The following ZMIZ1 variants were observed in gnomAD, a reference collection of about 807,000 sequenced individuals.
ZMIZ1 encodes the protein zinc finger MIZ-type containing 1, also known as zinc finger MIZ domain-containing protein 1.
In ZMIZ1, 17 loss-of-function variants were observed where a neutral mutation model predicts 113.9. The ratio of observed to expected loss-of-function variants is 0.15; its 90% confidence interval spans 0.10 to 0.22. ZMIZ1 has a LOEUF of 0.22. Among genes scored for constraint, ZMIZ1 ranks in the 10% least tolerant of loss-of-function variants. The pLI is 1.00. For synonymous variants in ZMIZ1, 607 were observed against 603.1 expected, an observed-to-expected ratio of 1.01 and a Z score of -0.09; for missense variants, 1,059 against 1,477.8, an observed-to-expected ratio of 0.72 and a Z score of 4.65.
intron 4 of ZMIZ1, among the ~76,000 whole-genome samples, chr10:79,168,757 C>G (rs1846472952): frequency 2.0e-5 from 3 of 152,172 alleles, no homozygotes. Flanking sequence ...TGTCTCAGCT[C>G]TGGGCTGTGG....
chr10:79,240,270 T>A (rs1331604670), intron 7 of ZMIZ1, among the ~76,000 whole-genome samples: 1 of 152,250 alleles, frequency 6.6e-6, no homozygotes, highest in Non-Finnish European at 1.5e-5. Flanking sequence ...ACCAAGTGCC[T>A]GTGAGCTGAG....
At chr10:79,128,145 C>T (rs1461814604) in intron 2 of ZMIZ1, among the ~76,000 whole-genome samples, 3 of 152,190 alleles carry the variant, frequency 2.0e-5, no homozygotes, top group Non-Finnish European at 4.4e-5. Flanking sequence ...CTCAGGTCTC[C>T]CTCCCCCTTT....
intron 4 of ZMIZ1, 65 bp from the exon 5 acceptor site, chr10:79,201,519 G>T: frequency 1.6e-6 from 2 of 1,218,548 alleles, no homozygotes; most frequent in Non-Finnish European, 2.4e-6. Flanking sequence ...GAGGGCAGTT[G>T]GGAGGCTGCT....
At chr10:79,229,350 G>T (rs1849307727) in intron 7 of ZMIZ1, among the ~76,000 whole-genome samples, 1 of 152,236 alleles carries the variant, frequency 6.6e-6, no homozygotes, top group Non-Finnish European at 1.5e-5. Flanking sequence ...AGAACCCAGA[G>T]CTCGGGAAGT....
intron 1 of ZMIZ1, among the ~76,000 whole-genome samples, chr10:79,072,076 G>A (rs1842306230): frequency 6.6e-6 from 1 of 152,032 alleles, no homozygotes; most frequent in South Asian, 2.1e-4. Context: ...ATAAGAAATT[G>A]CTGGACTTAT....
Position 79,277,325 on chromosome 10 carries a change from G to A in ZMIZ1, c.425G>A (p.Ser142Asn), listed in dbSNP as rs113562619. The A allele has an allele frequency of 2.5e-4, 394 of 1,591,298 alleles. No individual in the cohort carries two copies. The highest frequency in any genetic ancestry group is 3.2e-4 in the Non-Finnish European group (377 of 1,169,348). Residue 142 changes from serine to asparagine, a missense_variant and splice_region_variant, in exon 8 of 25, where the codon AGT becomes AAT. By Grantham distance (46) the Ser-to-Asn change is conservative (BLOSUM62 1). Around this residue, in one of 6 missense-constraint regions of ZMIZ1, gnomAD observed 272 missense variants for 350.4 expected, o/e 0.78. Transcript: ENST00000334512. ...MSSMKPTLSH[S>N]DGSFPYDSVP... ...TCCATGAAACCCACTCTGTCGCACAGGTAAGTGGGTGGGTGCCATGGGTGC... is the reference window on the plus strand; with the variant it reads ...TCCATGAAACCCACTCTGTCGCACAAGTAAGTGGGTGGGTGCCATGGGTGC...
chr10:79,290,752 T>C, intron 9 of ZMIZ1: 1 of 708,940 alleles, frequency 1.4e-6, no homozygotes, highest in South Asian at 1.5e-5. Context: ...AAGGCTGACG[T>C]TCTCATCCCC....
chr10:79,076,723 G>T (rs1291268968), intron 1 of ZMIZ1, among the ~76,000 whole-genome samples: 1 of 152,162 alleles, frequency 6.6e-6, no homozygotes, highest in Non-Finnish European at 1.5e-5. Flanking sequence ...TGTAGTCCCA[G>T]CTACTCGAGA....
intron 2 of ZMIZ1, among the ~76,000 whole-genome samples, chr10:79,130,232 C>CAG (rs902217218): frequency 1.3e-5 from 2 of 152,194 alleles, no homozygotes; most frequent in African/African-American, 4.8e-5. Flanking sequence ...TGCATAAAGT[C>CAG]AGAATTTTGA....
At chr10:79,139,995 T>C in intron 3 of ZMIZ1, among the ~76,000 whole-genome samples, 1 of 152,198 alleles carries the variant, frequency 6.6e-6, no homozygotes, top group Non-Finnish European at 1.5e-5. Context: ...AGTTTGTCTG[T>C]CTCCAAAATG....
intron 7 of ZMIZ1, among the ~76,000 whole-genome samples, chr10:79,259,839 T>A (rs1376398270): frequency 6.6e-6 from 1 of 152,220 alleles, no homozygotes; most frequent in Non-Finnish European, 1.5e-5. Flanking sequence ...CTCAAAGTCC[T>A]GACCTCAAGT....
intron 7 of ZMIZ1, among the ~76,000 whole-genome samples, chr10:79,268,324 A>G (rs1056055099): frequency 6.6e-6 from 1 of 152,188 alleles, no homozygotes; most frequent in Non-Finnish European, 1.5e-5. Context: ...GTTTTATTTG[A>G]GGACAGCACC....
intron 7 of ZMIZ1, among the ~76,000 whole-genome samples, chr10:79,236,659 C>A (rs1849604563): frequency 2.6e-5 from 4 of 152,198 alleles, no homozygotes; most frequent in Admixed American, 2.6e-4. Flanking sequence ...TGAGAAACAA[C>A]CCACGTTCTA....
rs1246696420 is a variant in ZMIZ1 at position 79,315,133 on chromosome 10, CG to C, written c.*2387del. On this transcript the variant is annotated 3_prime_UTR_variant, in exon 25 of 25. Coordinates refer to ENST00000334512, the MANE Select transcript of ZMIZ1 (RefSeq NM_020338.4). The stretch of plus-strand genomic sequence containing the variant: ...CCATCTCTGGGCTCAGCACCTGAGG[CG>C]GGTTTCCTGGGTCCCCTCTCCAGCA... The C allele has an allele frequency of 6.5e-6, 1 of 152,854 alleles. No homozygotes were observed. The highest frequency in any genetic ancestry group is 1.9e-4 in the East Asian group (1 of 5,288). The allele number at this position is 152,854 out of a possible 1,614,324, so 9.5% of individuals were successfully genotyped here.
At chr10:79,275,177 G>T (rs947266263) in intron 7 of ZMIZ1, among the ~76,000 whole-genome samples, 5 of 152,254 alleles carry the variant, frequency 3.3e-5, no homozygotes, top group Admixed American at 2.6e-4. Flanking sequence ...TGCCCGAATA[G>T]GCTGCCTTTC....
At chr10:79,205,336 C>T (rs556034105) in intron 5 of ZMIZ1, among the ~76,000 whole-genome samples, 31 of 152,336 alleles carry the variant, frequency 2.0e-4, no homozygotes, top group African/African-American at 7.0e-4. Flanking sequence ...CACTGGGGCT[C>T]ATTCTGCAGT....
chr10:79,230,019 A>G (rs774300945), intron 7 of ZMIZ1, among the ~76,000 whole-genome samples: 20 of 152,152 alleles, frequency 1.3e-4, no homozygotes, highest in Non-Finnish European at 2.8e-4. Flanking sequence ...TCACACAGCT[A>G]GGGAGGGACT....
chr10:79,206,749 G>T (rs1329294647), intron 5 of ZMIZ1, among the ~76,000 whole-genome samples: 1 of 152,228 alleles, frequency 6.6e-6, no homozygotes, highest in African/African-American at 2.4e-5. Context: ...CAGGCACTTT[G>T]CCAGGGGCTG....
At chr10:79,227,905 C>A (rs887872408) in intron 7 of ZMIZ1, among the ~76,000 whole-genome samples, 3 of 152,200 alleles carry the variant, frequency 2.0e-5, no homozygotes. Flanking sequence ...ATCTGAGCCA[C>A]TGTGCAGGAG....
Sources: gnomAD v4.1 joint callset for allele counts (sites outside exome capture counted in the v4.1 genomes callset) on GRCh38, gnomAD v4.1.1 for gene constraint, gnomAD v4.1.1 regional missense constraint, MANE v1.5 for transcripts, NCBI Gene and HGNC (gene_info 2026-07-23, HGNC 2026-07-21) for gene names.